The following IRAG2 variants were observed in gnomAD, a reference collection of about 807,000 sequenced individuals.
IRAG2 encodes inositol 1,4,5-triphosphate receptor associated 2, also known as lymphoid restricted membrane protein.
IRAG2 carries 45 observed loss-of-function variants against 69.9 expected under a neutral mutation model. The ratio of observed to expected loss-of-function variants is 0.64; its 90% confidence interval spans 0.51 to 0.83. The LOEUF is 0.83. Among genes scored for constraint, IRAG2 ranks in the 40% least tolerant of loss-of-function variants. IRAG2 has a pLI of 0.00. For missense variants in IRAG2, 520 were observed against 587.0 expected (o/e 0.89, Z 1.18); for synonymous variants, 193 against 202.4 (o/e 0.95, Z 0.40).
rs59225610 is a variant in IRAG2, at chr12:25,041,955, C to CTGTGTG, written c.2144+3850_2144+3855dup. Among the ~76,000 whole-genome samples, 787 of 148,448 alleles carry CTGTGTG rather than the reference C, an allele frequency of 5.3e-3. 4 individuals are homozygous for CTGTGTG. The highest frequency in any genetic ancestry group is 0.041 in the Middle Eastern group (12 of 294). ...GTGCTGAATTGAATTTTTGTTTCAG[C>CTGTGTG]TGTGTGTGTGTGTGTGTGTGTGTGT... is the stretch of plus-strand genomic sequence containing the variant. On this transcript the variant is annotated intron_variant, in intron 16 of 38. Coordinates refer to the IRAG2 transcript ENST00000636465.
At position 25,027,488 on chromosome 12, in the gene IRAG2, G is replaced by A. The variant is rs528959057; in HGVS notation, c.1461+622G>A. ...TGGCTCACTGCAAGCTCTGCCTTCC[G>A]TGTTCACGCCATTCTCCTGCCTCAG... On this transcript the variant is annotated intron_variant, in intron 9 of 38. Transcript: ENST00000636465. Among the ~76,000 whole-genome samples, 225 of 149,514 alleles carry A rather than the reference G, an allele frequency of 1.5e-3. 2 individuals are homozygous for A. The highest frequency in any genetic ancestry group is 4.4e-3 in the African/African-American group (178 of 40,564).
intron 10 of IRAG2, among the ~76,000 whole-genome samples, chr12:25,030,485 C>T (rs1227779633): frequency 1.3e-5 from 2 of 152,128 alleles, no homozygotes; most frequent in African/African-American, 2.4e-5. Flanking sequence ...CTCCCAGATT[C>T]AAGCAATTCT....
At chr12:25,013,639 G>A (rs1225669545) in intron 3 of IRAG2, among the ~76,000 whole-genome samples, 1 of 152,042 alleles carries the variant, frequency 6.6e-6, no homozygotes, top group East Asian at 1.9e-4. Flanking sequence ...GAGACAATTG[G>A]ACAAATTATA....
At chr12:25,098,146 T>C (rs1948534804) in intron 15 of IRAG2, among the ~76,000 whole-genome samples, 1 of 152,190 alleles carries the variant, frequency 6.6e-6, no homozygotes, top group African/African-American at 2.4e-5. Context: ...GTCTTACTCA[T>C]TTGGCGAATC....
exon 9 of IRAG2, chr12:25,026,819 C>G: frequency 8.1e-7 from 1 of 1,229,160 alleles, no homozygotes; most frequent in African/African-American, 1.6e-5. Context: ...TATAGACAGA[C>G]TGGAAAAGAA....
intron 7 of IRAG2, among the ~76,000 whole-genome samples, chr12:25,021,462 C>A (rs1768883733): frequency 6.6e-6 from 1 of 151,276 alleles, no homozygotes; most frequent in African/African-American, 2.4e-5. Context: ...TAAAAAAAAA[C>A]AGTTATCTCA....
intron 10 of IRAG2, among the ~76,000 whole-genome samples, chr12:25,087,780 T>G (rs1240364406): frequency 6.6e-6 from 1 of 152,106 alleles, no homozygotes; most frequent in Non-Finnish European, 1.5e-5. Context: ...CTGCCTCCTG[T>G]CAAATCAGTG....
intron 14 of IRAG2, among the ~76,000 whole-genome samples, chr12:25,092,562 C>A (rs1343634422): frequency 7.5e-5 from 2 of 26,598 alleles, no homozygotes; most frequent in African/African-American, 1.6e-4. Context: ...AAGACTCTAT[C>A]TCAAAAAAAA....
Position 25,033,717 on chromosome 12 carries a change from C to T in IRAG2, c.1644-131C>T, listed in dbSNP as rs184599213. On this transcript the variant is annotated intron_variant, in intron 12 of 38. Coordinates refer to the IRAG2 transcript ENST00000636465. ...ACAATTTCTGATCACTCTCCCTATTCCCAAGCACATTATACAATCCTTGGC... is the reference window on the plus strand; with the variant it reads ...ACAATTTCTGATCACTCTCCCTATTTCCAAGCACATTATACAATCCTTGGC... 35 of 392,348 alleles carry T rather than the reference C, an allele frequency of 8.9e-5. No individual in the cohort carries two copies. The East Asian group carries it at 1.3e-3, about 14-fold the overall frequency. The allele number at this position is 392,348 out of a possible 1,614,324, so 24.3% of individuals were successfully genotyped here.
In IRAG2 at chr12:25,107,942, AATT is replaced by A; in HGVS notation, c.1386_1388del (p.Leu462del). 6.2e-7 allele frequency: 1 copy of A among 1,614,192 alleles called. No homozygotes were observed. Among genetic ancestry groups the A allele is most frequent in the South Asian group, 1.1e-5 (1 of 91,084 alleles). On this transcript the variant is annotated inframe_deletion, in exon 22 of 22. Transcript: ENST00000556887. The stretch of plus-strand genomic sequence containing the variant: ...GCTTTGATGAGCTTCCTCACAGGCC[AATT>A]ATTCCAGAAGTCTGTGGATGCCGCT...
intron 4 of IRAG2, among the ~76,000 whole-genome samples, chr12:25,064,215 A>G (rs964402605): frequency 2.6e-5 from 4 of 152,248 alleles, no homozygotes; most frequent in African/African-American, 9.6e-5. Flanking sequence ...AGATGATTCC[A>G]TGGAAGAGGT....
intron 5 of IRAG2, among the ~76,000 whole-genome samples, chr12:25,069,057 G>A (rs751637758): frequency 6.6e-6 from 1 of 152,148 alleles, no homozygotes; most frequent in Non-Finnish European, 1.5e-5. Context: ...CATTTTGTGA[G>A]GGCCTAATCT....
intron 7 of IRAG2, among the ~76,000 whole-genome samples, chr12:25,021,354 T>C (rs150046243): frequency 6.6e-6 from 1 of 152,146 alleles, no homozygotes; most frequent in African/African-American, 2.4e-5. Context: ...ATATCTGGAA[T>C]GCCTCCTAAA....
At chr12:25,021,153 G>C (rs1300863343) in intron 7 of IRAG2, 2 of 207,786 alleles carry the variant, frequency 9.6e-6, no homozygotes, top group Non-Finnish European at 9.0e-6. Flanking sequence ...TGCCCAGGCT[G>C]GAGTGCAGTG....
At chr12:25,014,719 T>C (rs1479711066) in intron 3 of IRAG2, among the ~76,000 whole-genome samples, 3 of 152,056 alleles carry the variant, frequency 2.0e-5, no homozygotes, top group Non-Finnish European at 4.4e-5. Flanking sequence ...TCCCTGTCAA[T>C]GTATCCCAAA....
upstream of IRAG2, among the ~76,000 whole-genome samples, chr12:25,050,289 C>T (rs528133002): frequency 1.3e-3 from 194 of 151,414 alleles, 1 homozygote; most frequent in African/African-American, 4.5e-3. Flanking sequence ...CCAGCACTTT[C>T]GGAGGCCGAG....
chr12:25,104,033 C>T lies in IRAG2; in HGVS notation c.1021C>T (p.Arg341Ter), dbSNP rs1005464919. 2 of 1,613,166 alleles carry T rather than the reference C, an allele frequency of 1.2e-6. No homozygotes were observed. Among genetic ancestry groups the T allele is most frequent in the South Asian group, 1.1e-5 (1 of 91,014 alleles). Residue 341 changes from arginine to a stop codon, truncating the protein, a stop_gained, in exon 19 of 22, where the codon CGA (arginine) becomes TGA (stop). Transcript: ENST00000556887. LOFTEE classifies it high-confidence loss of function. ...GMVAGMENND[R>*]FSRRSSSWRI... ...GGTGGCTGGGATGGAAAATAATGAT[C>T]GATTCAGTAGAAGGTCAAGCAGTTG...
At chr12:25,106,223 T>C (rs142258134) in intron 20 of IRAG2, among the ~76,000 whole-genome samples, 2,868 of 151,696 alleles carry the variant, frequency 0.019, 39 homozygotes, top group Middle Eastern at 0.055. Flanking sequence ...TTTTTACTAA[T>C]GTTAAATAAA....
At chr12:25,080,859 G>T (rs966221512) in intron 9 of IRAG2, among the ~76,000 whole-genome samples, 1 of 152,048 alleles carries the variant, frequency 6.6e-6, no homozygotes, top group Admixed American at 6.6e-5. Flanking sequence ...AGACAAAGAG[G>T]CACAAATTTG....
Sources: allele counts gnomAD v4.1 joint callset (sites outside exome capture counted in the v4.1 genomes callset), GRCh38; gene constraint gnomAD v4.1.1; transcripts MANE v1.5; gene names NCBI Gene and HGNC (gene_info 2026-07-23, HGNC 2026-07-21).